ARHGAP42: variants seen among roughly 807,000 people sequenced by gnomAD.
The protein encoded by ARHGAP42 is Rho GTPase activating protein 42, also known as rho GTPase-activating protein 42.
A neutral mutation model predicts 125.0 loss-of-function variants in ARHGAP42; 63 were observed. That is an observed-to-expected ratio of 0.50 (90% confidence interval 0.41 to 0.62). The LOEUF (loss-of-function observed/expected upper bound fraction) is 0.62, where lower values mean the gene tolerates loss of function less well. ARHGAP42 is among the 20% of genes least tolerant of loss of function. ARHGAP42 has a pLI of 0.00. For synonymous variants in ARHGAP42, 339 were observed against 351.0 expected (o/e 0.97, Z 0.38); for missense variants, 766 against 1,024.2 (o/e 0.75, Z 3.44).
In ARHGAP42 at chr11:100,771,447, G is replaced by A. The variant is rs144651415; in HGVS notation, c.250+1009G>A. On this transcript the variant is annotated intron_variant, in intron 2 of 23. Transcript: ENST00000298815. ...CCTTTGTAGGCTGGATTAGAGATAT[G>A]TCATATAATGAAAAGAGTATATAAA... 5.3e-5 allele frequency among the ~76,000 whole-genome samples: 8 copies of A among 152,206 alleles called. No individual in the cohort carries two copies. The East Asian group carries it at 9.6e-4, about 18-fold the overall frequency.
intron 3 of ARHGAP42, among the ~76,000 whole-genome samples, chr11:100,850,605 A>G (rs1259716114): frequency 6.6e-6 from 1 of 152,156 alleles, no homozygotes; most frequent in African/African-American, 2.4e-5. Flanking sequence ...AGTGGTAAAG[A>G]GTGCTAACTA....
At chr11:100,763,889 C>T (rs1164306450) in intron 1 of ARHGAP42, among the ~76,000 whole-genome samples, 1 of 152,120 alleles carries the variant, frequency 6.6e-6, no homozygotes, top group African/African-American at 2.4e-5. Context: ...TCATAGAGTC[C>T]AACACATGAA....
At chr11:100,834,894 G>A in intron 3 of ARHGAP42, among the ~76,000 whole-genome samples, 1 of 147,652 alleles carries the variant, frequency 6.8e-6, no homozygotes, top group Middle Eastern at 3.4e-3. Context: ...ATACAGAAGT[G>A]CTTATTTTTG....
chr11:100,912,362 C>CAA (rs1430248954), intron 4 of ARHGAP42, among the ~76,000 whole-genome samples: 1 of 151,960 alleles, frequency 6.6e-6, no homozygotes, highest in Non-Finnish European at 1.5e-5. Flanking sequence ...AGTAATGAAG[C>CAA]AAAGCATTAT....
Position 100,989,070 on chromosome 11 carries a change from G to A in ARHGAP42, c.*269G>A, listed in dbSNP as rs1337634601. The A allele has an allele frequency of 6.2e-5, 28 of 453,796 alleles. No homozygotes were observed. The highest frequency in any genetic ancestry group is 5.8e-4 in the Admixed American group (16 of 27,642). 28.1% of individuals were successfully genotyped at this position (453,796 alleles called of 1,614,324 possible). A position where few individuals can be genotyped will look rare whatever the true frequency, so the allele number is the denominator to read the frequency against. ...ATAATATGTAACTCTCCACAATGTC[G>A]CTTCCGTAGCAATTGTAGAGTTTCA... On this transcript the variant is annotated 3_prime_UTR_variant, in exon 24 of 24. Coordinates refer to ENST00000298815, the MANE Select transcript of ARHGAP42 (RefSeq NM_152432.4).
In ARHGAP42 at chr11:100,743,093, T is replaced by C. The variant is rs1286755928; in HGVS notation, c.155-27250T>C. ...CAATATAAATATTGGGACTTGGAGG[T>C]GCTTTCCAATTATCATGTTAAGTGT... On this transcript the variant is annotated intron_variant, in intron 1 of 23. Transcript: ENST00000298815. Among the ~76,000 whole-genome samples, 3 of 152,172 alleles carry C rather than the reference T, an allele frequency of 2.0e-5. 1 individual carries two copies. Among genetic ancestry groups the C allele is most frequent in the Admixed American group, 2.0e-4 (3 of 15,278 alleles).
rs373458222 is a variant in ARHGAP42 at position 100,974,511 on chromosome 11, G to A, written c.1763G>A (p.Arg588Gln). 1.2e-4 allele frequency: 184 copies of A among 1,550,472 alleles called. 1 individual carries two copies. The highest frequency in any genetic ancestry group is 1.8e-4 in the African/African-American group (13 of 72,934). Reference sequence around the variant, plus strand: ...ATTCCTCTTCCTCAGCCTCAGTCTCGATCTGGATCCCGAAGGACACGAGCA... The same window carrying A: ...ATTCCTCTTCCTCAGCCTCAGTCTCAATCTGGATCCCGAAGGACACGAGCA... ...PSIPLPQPQSRSGSRRTRAIC... is the reference protein window; with the variant it reads ...PSIPLPQPQSQSGSRRTRAIC... The change falls in exon 19 of 24, where the codon CGA becomes CAA. Residue 588 changes from arginine to glutamine, a missense_variant. Physicochemically the swap from Arg to Gln is conservative, Grantham distance 43 (BLOSUM62 1). Around this residue, in one of 3 missense-constraint regions of ARHGAP42, gnomAD observed 308 missense variants for 369.7 expected, o/e 0.83. Transcript: ENST00000298815.
intron 3 of ARHGAP42, among the ~76,000 whole-genome samples, chr11:100,817,293 A>C (rs1418892820): frequency 6.6e-6 from 1 of 152,178 alleles, no homozygotes; most frequent in African/African-American, 2.4e-5. Context: ...AGACATTGCC[A>C]GATATCTCCA....
intron 2 of ARHGAP42, among the ~76,000 whole-genome samples, chr11:100,784,538 A>G (rs1486025651): frequency 6.6e-6 from 1 of 152,142 alleles, no homozygotes; most frequent in African/African-American, 2.4e-5. Flanking sequence ...AGGACTGAAG[A>G]TTATTCCTCA....
chr11:100,732,971 G>C (rs1477776866), intron 1 of ARHGAP42, among the ~76,000 whole-genome samples: 1 of 152,158 alleles, frequency 6.6e-6, no homozygotes, highest in East Asian at 1.9e-4. Flanking sequence ...TATTGAGTCA[G>C]ATTAACTTGT....
chr11:100,972,560 G>A (rs1441245661), intron 17 of ARHGAP42, among the ~76,000 whole-genome samples: 3 of 140,430 alleles, frequency 2.1e-5, no homozygotes, highest in African/African-American at 7.6e-5. Context: ...AGAGGAAAGA[G>A]AAAGAAAAGA....
chr11:100,694,874 C>CA (rs1427195723), intron 1 of ARHGAP42, among the ~76,000 whole-genome samples: 1 of 152,164 alleles, frequency 6.6e-6, no homozygotes, highest in Non-Finnish European at 1.5e-5. Flanking sequence ...ACTAAAAATA[C>CA]AAAAAAGTTA....
Position 100,989,193 on chromosome 11 carries a change from A to T in ARHGAP42, c.*392A>T, listed in dbSNP as rs1468805078. On this transcript the variant is annotated 3_prime_UTR_variant, in exon 24 of 24. Coordinates refer to ENST00000298815, the MANE Select transcript of ARHGAP42 (RefSeq NM_152432.4). ...CTTTACTGCCTGGCATTCTCTGAGGATCTCTGAAATTGTTACTTAAAAATG... is the reference window on the plus strand; with the variant it reads ...CTTTACTGCCTGGCATTCTCTGAGGTTCTCTGAAATTGTTACTTAAAAATG... 10 of 398,016 alleles carry T rather than the reference A, an allele frequency of 2.5e-5. No homozygotes were observed. The highest frequency in any genetic ancestry group is 6.2e-5 in the African/African-American group (3 of 48,490). The allele number at this position is 398,016 out of a possible 1,614,324, so 24.7% of individuals were successfully genotyped here.
intron 17 of ARHGAP42, among the ~76,000 whole-genome samples, chr11:100,972,516 T>TTGGATGGATGGATGGATGGA (rs111816630): frequency 4.7e-5 from 7 of 150,168 alleles, no homozygotes; most frequent in South Asian, 2.1e-4. Context: ...CAGGGAAGTT[T>TTGGATGGATGGATGGATGGA]TGGATGGATG....
At chr11:100,837,001 T>A (rs542620486) in intron 3 of ARHGAP42, among the ~76,000 whole-genome samples, 11 of 152,204 alleles carry the variant, frequency 7.2e-5, no homozygotes, top group African/African-American at 2.2e-4. Flanking sequence ...TTGTATCAGG[T>A]TCAAGATTGT....
At chr11:100,971,393 A>G (rs1292540413) in intron 17 of ARHGAP42, among the ~76,000 whole-genome samples, 1 of 152,160 alleles carries the variant, frequency 6.6e-6, no homozygotes, top group Non-Finnish European at 1.5e-5. Flanking sequence ...ATCCTGATAT[A>G]CATTTCCTCT....
At chr11:100,896,773 C>A (rs893563716) in intron 4 of ARHGAP42, among the ~76,000 whole-genome samples, 1 of 152,126 alleles carries the variant, frequency 6.6e-6, no homozygotes, top group African/African-American at 2.4e-5. Context: ...CAAAAATTTT[C>A]TTTCATTCTG....
intron 12 of ARHGAP42, among the ~76,000 whole-genome samples, chr11:100,956,893 C>G (rs918476844): frequency 8.6e-5 from 13 of 152,042 alleles, no homozygotes; most frequent in Non-Finnish European, 1.3e-4. Flanking sequence ...AAAAACAACA[C>G]TTGTGGCTGA....
chr11:100,687,786 C>A lies in ARHGAP42; in HGVS notation c.108C>A (p.Ile36=), dbSNP rs1032280176. The A allele has an allele frequency of 4.5e-6, 7 of 1,550,934 alleles. No homozygotes were observed. In the East Asian group the frequency reaches 1.7e-4, roughly 38 times the overall value. ...EIELERTNKF[I]KELIKDGSLL... ...AGCTGGAGCGAACCAACAAGTTCAT[C>A]AAGGAGCTCATTAAGGACGGCTCTC... is the stretch of plus-strand genomic sequence containing the variant. The change falls in exon 1 of 24, where the codon ATC becomes ATA. Residue 36 remains isoleucine, a synonymous_variant. Transcript: ENST00000298815.
Sources: gnomAD v4.1 joint callset for allele counts (sites outside exome capture counted in the v4.1 genomes callset) on GRCh38, gnomAD v4.1.1 for gene constraint, gnomAD v4.1.1 regional missense constraint, MANE v1.5 for transcripts, NCBI Gene and HGNC (gene_info 2026-07-23, HGNC 2026-07-21) for gene names.